TMEM132C: variants seen among roughly 807,000 people sequenced by gnomAD.
TMEM132C encodes transmembrane protein 132C, also known as protein phosphatase 1, regulatory subunit 152.
A neutral mutation model predicts 61.4 loss-of-function variants in TMEM132C; 29 were observed. The ratio of observed to expected loss-of-function variants is 0.47; its 90% CI spans 0.35 to 0.64. The LOEUF (loss-of-function observed/expected upper bound fraction) is 0.64. TMEM132C is among the 30% of genes least tolerant of loss of function. The pLI is 0.00. For missense variants in TMEM132C, 1,408 were observed against 1,476.9 expected (o/e 0.95, Z 0.76); for synonymous variants, 656 against 633.1 (o/e 1.04, Z -0.54).
chr12:128,702,266 T>C (rs2135661374), intron 8 of TMEM132C, among the ~76,000 whole-genome samples: 1 of 152,248 alleles, frequency 6.6e-6, no homozygotes, highest in African/African-American at 2.4e-5. Context: ...AATTAAATTT[T>C]TAATTTCTTT....
chr12:128,657,635 C>G (rs1954339601), intron 4 of TMEM132C, among the ~76,000 whole-genome samples: 1 of 152,180 alleles, frequency 6.6e-6, no homozygotes, highest in African/African-American at 2.4e-5. Context: ...TTTGAGCACT[C>G]AGGGTTCCTC....
At chr12:128,685,950 A>G (rs1954669988) in intron 5 of TMEM132C, among the ~76,000 whole-genome samples, 1 of 152,222 alleles carries the variant, frequency 6.6e-6, no homozygotes, top group African/African-American at 2.4e-5. Context: ...AACTGTGGCC[A>G]GTCAACGAAT....
intron 2 of TMEM132C, among the ~76,000 whole-genome samples, chr12:128,489,347 G>A (rs1593071681): frequency 6.6e-6 from 1 of 150,444 alleles, no homozygotes; most frequent in Non-Finnish European, 1.5e-5. Context: ...GGAAGAGGAT[G>A]GGGGAGAAAG....
At chr12:128,397,711 C>T (rs188045640) in intron 1 of TMEM132C, among the ~76,000 whole-genome samples, 2 of 152,230 alleles carry the variant, frequency 1.3e-5, no homozygotes, top group Admixed American at 1.3e-4. Context: ...ACTCCTGCAG[C>T]GTGGAGTCCT....
In TMEM132C at chr12:128,415,439, C is replaced by T. The variant is rs1305757331; in HGVS notation, c.793C>T (p.His265Tyr). Residue 265 changes from histidine to tyrosine, a missense_variant, in exon 2 of 9, where the codon CAC (histidine) becomes TAC (tyrosine). Coordinates refer to ENST00000435159, the MANE Select transcript of TMEM132C (RefSeq NM_001136103.3). This position sits in a 1 kb window ranked among gnomAD's most constrained non-coding sequence, Gnocchi z 5.8. ...GGATGGGCTGGAGGAAACCACGTCC[C>T]ACCTGCAGAGGATCGGCACCGTCGG... is the stretch of plus-strand genomic sequence containing the variant. ...GKDGLEETTS[H>Y]LQRIGTVGLY... The T allele has an allele frequency of 6.4e-7, 1 of 1,551,652 alleles. No homozygotes were observed. The highest frequency in any genetic ancestry group is 2.0e-5 in the Admixed American group (1 of 50,998).
chr12:128,300,758 T>C (rs764564806), intron 1 of TMEM132C, among the ~76,000 whole-genome samples: 2 of 152,204 alleles, frequency 1.3e-5, no homozygotes, highest in African/African-American at 2.4e-5. Context: ...AGGCTCCAGC[T>C]GTGCATCGTG....
At chr12:128,341,092 T>C (rs1185920251) in intron 1 of TMEM132C, among the ~76,000 whole-genome samples, 1 of 151,858 alleles carries the variant, frequency 6.6e-6, no homozygotes, top group African/African-American at 2.4e-5. Flanking sequence ...AGGTACCCAC[T>C]ACCAGGACCG....
intron 1 of TMEM132C, among the ~76,000 whole-genome samples, chr12:128,297,182 A>T (rs1019810405): frequency 2.6e-5 from 4 of 152,190 alleles, no homozygotes; most frequent in Admixed American, 1.3e-4. Context: ...CTGGCTTGAA[A>T]TGAAGAGCAA....
intron 3 of TMEM132C, among the ~76,000 whole-genome samples, chr12:128,554,145 T>C (rs1272091415): frequency 1.3e-5 from 2 of 152,260 alleles, no homozygotes; most frequent in Non-Finnish European, 2.9e-5. Flanking sequence ...TCACTGACAC[T>C]TGTAATTGTA....
intron 2 of TMEM132C, among the ~76,000 whole-genome samples, chr12:128,457,648 C>A (rs1358378990): frequency 6.6e-6 from 1 of 151,838 alleles, no homozygotes; most frequent in East Asian, 1.9e-4. Flanking sequence ...TCAAAGCCAA[C>A]CTATGAAGTA....
In TMEM132C at chr12:128,267,202, G is replaced by GCGGAGC. The variant is rs1386576384; in HGVS notation, c.-192_-187dup. Among the ~76,000 whole-genome samples, 188 of 147,174 alleles carry GCGGAGC rather than the reference G, an allele frequency of 1.3e-3. 2 individuals carry two copies. Among genetic ancestry groups the GCGGAGC allele is most frequent in the African/African-American group, 4.4e-3 (180 of 41,036 alleles). ...TGTCCCGGCCGGAGCGCGAGCAGCG[G>GCGGAGC]CGGAGCCGGAGCCGCCAGAGCCAGA... On this transcript the variant is annotated 5_prime_UTR_variant, in exon 1 of 9. Coordinates refer to ENST00000435159, the MANE Select transcript of TMEM132C (RefSeq NM_001136103.3).
intron 2 of TMEM132C, among the ~76,000 whole-genome samples, chr12:128,521,447 A>G (rs1332589694): frequency 3.3e-5 from 1 of 30,244 alleles, no homozygotes. Context: ...TCCCTCCCCC[A>G]GCCCCCAGCC....
chr12:128,684,083 G>A (rs984038458), intron 5 of TMEM132C, among the ~76,000 whole-genome samples: 3 of 152,058 alleles, frequency 2.0e-5, no homozygotes, highest in African/African-American at 7.2e-5. Context: ...GTCACCTCAC[G>A]AGAGAGGTCT....
intron 1 of TMEM132C, among the ~76,000 whole-genome samples, chr12:128,410,136 A>G (rs1440915223): frequency 2.6e-5 from 4 of 152,132 alleles, no homozygotes; most frequent in African/African-American, 9.7e-5. Context: ...AAAGACCAAG[A>G]TGTCTTGCTT....
At chr12:128,508,707 C>T (rs1029487593) in intron 2 of TMEM132C, among the ~76,000 whole-genome samples, 2 of 152,214 alleles carry the variant, frequency 1.3e-5, no homozygotes, top group Non-Finnish European at 2.9e-5. Context: ...GTTCCAGTGT[C>T]CCCTCCTTAA....
intron 2 of TMEM132C, among the ~76,000 whole-genome samples, chr12:128,473,332 AGTCCAGC>A (rs1871026060): frequency 3.0e-5 from 4 of 134,902 alleles, no homozygotes; most frequent in Non-Finnish European, 6.0e-5. Context: ...CTTCATCTTC[AGTCCAGC>A]CTCCTTCTTC....
intron 2 of TMEM132C, among the ~76,000 whole-genome samples, chr12:128,522,045 C>T (rs1475932935): frequency 6.6e-6 from 1 of 152,146 alleles, no homozygotes; most frequent in East Asian, 1.9e-4. Context: ...TGTGTTGCTG[C>T]TACCGTAAGG....
chr12:128,544,191 G>T (rs983268784), intron 3 of TMEM132C, 88 bp downstream of exon 3: 2 of 1,424,100 alleles, frequency 1.4e-6, no homozygotes, highest in South Asian at 3.1e-5. Context: ...TTGGACTCGC[G>T]TGAGCGGCTG....
intron 2 of TMEM132C, among the ~76,000 whole-genome samples, chr12:128,490,572 A>G (rs1425255302): frequency 6.6e-6 from 1 of 152,242 alleles, no homozygotes; most frequent in Non-Finnish European, 1.5e-5. Context: ...ATTGAATGAT[A>G]TATTTTATCA....
Sources: gnomAD v4.1 joint callset for allele counts (sites outside exome capture counted in the v4.1 genomes callset) on GRCh38, gnomAD v4.1.1 for gene constraint, Gnocchi (gnomAD v3.1) non-coding constraint, MANE v1.5 for transcripts, NCBI Gene and HGNC (gene_info 2026-07-23, HGNC 2026-07-21) for gene names.